Variants in PCDH15 observed in about 807,000 individuals in gnomAD.
The protein encoded by PCDH15 is protocadherin-15.
A neutral mutation model predicts 178.5 loss-of-function variants in PCDH15; 129 were observed. The observed-to-expected ratio is 0.72, with a 90% CI of 0.63 to 0.84. The LOEUF (loss-of-function observed/expected upper bound fraction) is 0.84. PCDH15 is among the 40% of genes least tolerant of loss of function. PCDH15 has a pLI of 0.00. For synonymous variants in PCDH15, 800 were observed against 732.0 expected (o/e 1.09, Z -1.50); for missense variants, 2,230 against 2,099.9 (o/e 1.06, Z -1.21).
chr10:54,262,865 C>G (rs959124000), intron 8 of PCDH15, among the ~76,000 whole-genome samples: 54 of 152,116 alleles, frequency 3.5e-4, no homozygotes, highest in African/African-American at 1.3e-3. Flanking sequence ...TTGGGGAAAG[C>G]CTAGTTGGTT....
At position 54,862,445 on chromosome 10, in the gene PCDH15, G is replaced by A. The variant is rs114474781; in HGVS notation, c.-29+35005C>T. ...GGGAAAACAATTTTATTTTAGCTGA[G>A]AAGGTGTGAATAGTTTTTATGCCCA... is the stretch of plus-strand genomic sequence containing the variant. On this transcript the variant is annotated intron_variant, in intron 3 of 5. Transcript: ENST00000458638. 3.5e-3 allele frequency among the ~76,000 whole-genome samples: 534 copies of A among 152,266 alleles called. 2 individuals carry two copies. The highest frequency in any genetic ancestry group is 0.011 in the African/African-American group (466 of 41,560).
chr10:55,143,213 T>A (rs10710773), intron 2 of PCDH15, among the ~76,000 whole-genome samples: 49,288 of 147,776 alleles, frequency 0.33, 8,105 homozygotes, highest in African/African-American at 0.35. Context: ...TTTTTTTTTT[T>A]AAATAAATTA....
intron 18 of PCDH15, among the ~76,000 whole-genome samples, chr10:54,046,521 T>C (rs1260557383): frequency 6.6e-6 from 1 of 152,094 alleles, no homozygotes; most frequent in African/African-American, 2.4e-5. Context: ...CAGATACTAA[T>C]GCACACACAC....
At chr10:54,594,138 G>T (rs1444876118) in intron 2 of PCDH15, among the ~76,000 whole-genome samples, 2 of 152,120 alleles carry the variant, frequency 1.3e-5, no homozygotes, top group East Asian at 3.9e-4. Context: ...CTCACCATGA[G>T]CCTCTGGAAT....
At position 53,827,563 on chromosome 10, in the gene PCDH15, G is replaced by C. The variant is rs1370333270; in HGVS notation, c.4212-15C>G. Reference sequence around the variant, plus strand: ...CAGCTTGACGTCTTGGATAAAGTAAGGATGGCTTGTAAAACTCATTTTAGA... The same window carrying C: ...CAGCTTGACGTCTTGGATAAAGTAACGATGGCTTGTAAAACTCATTTTAGA... On this transcript the variant is annotated splice_polypyrimidine_tract_variant and intron_variant, in intron 31 of 37. Coordinates refer to ENST00000644397, the MANE Select transcript of PCDH15 (RefSeq NM_001384140.1). 3 of 1,613,924 alleles carry C rather than the reference G, an allele frequency of 1.9e-6. No individual in the cohort carries two copies. Among genetic ancestry groups the C allele is most frequent in the Non-Finnish European group, 1.7e-6 (2 of 1,179,948 alleles).
At chr10:54,494,392 T>A (rs1324871796) in intron 3 of PCDH15, among the ~76,000 whole-genome samples, 1 of 152,092 alleles carries the variant, frequency 6.6e-6, no homozygotes, top group African/African-American at 2.4e-5. Context: ...CAAATTCACA[T>A]TGTTGCCTCA....
At chr10:54,176,004 G>C (rs995654193) in intron 13 of PCDH15, among the ~76,000 whole-genome samples, 1 of 152,076 alleles carries the variant, frequency 6.6e-6, no homozygotes, top group Non-Finnish European at 1.5e-5. Context: ...GAGCAGGAAG[G>C]GGTAGCTTGG....
intron 26 of PCDH15, among the ~76,000 whole-genome samples, chr10:53,893,125 A>C (rs1440836214): frequency 2.0e-5 from 3 of 152,200 alleles, no homozygotes; most frequent in Non-Finnish European, 4.4e-5. Flanking sequence ...ACAAAAGGAA[A>C]ATATTAAGTA....
At chr10:53,988,452 T>C (rs2091254864) in intron 21 of PCDH15, among the ~76,000 whole-genome samples, 1 of 152,190 alleles carries the variant, frequency 6.6e-6, no homozygotes, top group Non-Finnish European at 1.5e-5. Flanking sequence ...AAAAGTGACC[T>C]CAGGCTGTGA....
chr10:55,249,628 C>T (rs758608985), intron 1 of PCDH15, among the ~76,000 whole-genome samples: 1 of 152,078 alleles, frequency 6.6e-6, no homozygotes, highest in African/African-American at 2.4e-5. Context: ...AAATTGCAAT[C>T]TTCTAATTGT....
chr10:54,113,007 C>A (rs572568779), intron 15 of PCDH15, among the ~76,000 whole-genome samples: 1 of 152,196 alleles, frequency 6.6e-6, no homozygotes, highest in Admixed American at 6.5e-5. Context: ...ACTGCAAAAC[C>A]TTTCTAGCAC....
chr10:54,271,668 T>C (rs1321175224), intron 8 of PCDH15, among the ~76,000 whole-genome samples: 1 of 152,104 alleles, frequency 6.6e-6, no homozygotes, highest in East Asian at 1.9e-4. Context: ...ATTTACCCAA[T>C]AGAGGAAGTA....
chr10:54,728,946 A>G (rs1942961073), intron 1 of PCDH15, among the ~76,000 whole-genome samples: 1 of 151,642 alleles, frequency 6.6e-6, no homozygotes, highest in South Asian at 2.1e-4. Flanking sequence ...ATGGAAATAC[A>G]TACCATGCTC....
intron 2 of PCDH15, among the ~76,000 whole-genome samples, chr10:54,975,901 T>C (rs1023590645): frequency 4.6e-5 from 7 of 152,186 alleles, no homozygotes; most frequent in Non-Finnish European, 1.0e-4. Context: ...TAAAATTGGT[T>C]ATACTGTCAG....
chr10:54,711,586 T>G (rs1285634448), intron 1 of PCDH15, among the ~76,000 whole-genome samples: 1 of 151,886 alleles, frequency 6.6e-6, no homozygotes, highest in Non-Finnish European at 1.5e-5. Flanking sequence ...TTAAAGTTCA[T>G]TCTATTTTCC....
intron 2 of PCDH15, among the ~76,000 whole-genome samples, chr10:55,361,363 C>G (rs553624609): frequency 2.2e-4 from 34 of 152,054 alleles, no homozygotes; most frequent in Middle Eastern, 3.4e-3. Flanking sequence ...TATAAATAGT[C>G]AAACATACTG....
At chr10:55,440,536 T>C (rs934342920) in intron 2 of PCDH15, among the ~76,000 whole-genome samples, 1 of 152,126 alleles carries the variant, frequency 6.6e-6, no homozygotes, top group African/African-American at 2.4e-5. Flanking sequence ...GGCCAATAAA[T>C]ATGCTGCTTC....
At chr10:54,147,338 T>C (rs141066169) in intron 14 of PCDH15, among the ~76,000 whole-genome samples, 11 of 151,962 alleles carry the variant, frequency 7.2e-5, no homozygotes, top group African/African-American at 2.6e-4. Flanking sequence ...GTCAACTAAA[T>C]TTCTGATGTC....
At chr10:55,053,256 C>T (rs1440326736) in intron 2 of PCDH15, among the ~76,000 whole-genome samples, 1 of 152,102 alleles carries the variant, frequency 6.6e-6, no homozygotes, top group African/African-American at 2.4e-5. Context: ...GATATCTTAG[C>T]ACAAAGTAGT....
Sources: gnomAD v4.1 joint callset for allele counts (sites outside exome capture counted in the v4.1 genomes callset) on GRCh38, gnomAD v4.1.1 for gene constraint, MANE v1.5 for transcripts, NCBI Gene and HGNC (gene_info 2026-07-23, HGNC 2026-07-21) for gene names.